MINAR1: variants seen among roughly 807,000 people sequenced by gnomAD.
MINAR1 encodes major intrinsically disordered Notch2-binding receptor 1.
Under a neutral mutation model 65.1 loss-of-function variants are expected in MINAR1, and 40 were observed. That is an observed-to-expected ratio of 0.61 (90% CI 0.48 to 0.80). MINAR1 has a LOEUF of 0.80. Ranked by LOEUF, MINAR1 falls within the 30% of genes least tolerant of loss-of-function variation. MINAR1 has a pLI of 0.00. For synonymous variants in MINAR1, 482 were observed against 449.1 expected (o/e 1.07, Z -0.93); for missense variants, 1,128 against 1,148.0 (o/e 0.98, Z 0.25).
chr15:79,452,628 CTGTG>C (rs367728486), intron 1 of MINAR1, among the ~76,000 whole-genome samples: 4 of 113,544 alleles, frequency 3.5e-5, no homozygotes, highest in South Asian at 3.2e-4. Flanking sequence ...CTGGATGAGT[CTGTG>C]TGTGTGTGGG....
intron 1 of MINAR1, among the ~76,000 whole-genome samples, chr15:79,437,441 G>A (rs550062086): frequency 1.3e-5 from 2 of 150,814 alleles, no homozygotes; most frequent in East Asian, 4.0e-4. Context: ...GTGAGTGAGT[G>A]TGGGTATAAG....
Position 79,457,914 on chromosome 15 carries a change from A to G in MINAR1, c.1767A>G (p.Glu589=), listed in dbSNP as rs3750002. Residue 589 remains glutamate, a synonymous_variant, in exon 2 of 4, where the codon GAA becomes GAG. Coordinates refer to ENST00000305428, the MANE Select transcript of MINAR1 (RefSeq NM_015206.3). ...GNRPENTHHS[E]EELKTSVCKL... is the part of the protein sequence containing the mutation. Reference sequence around the variant, plus strand: ...GGCCTGAAAACACCCACCACTCGGAAGAAGAGCTGAAGACCAGTGTGTGCA... The same window carrying G: ...GGCCTGAAAACACCCACCACTCGGAGGAAGAGCTGAAGACCAGTGTGTGCA... The G allele has an allele frequency of 0.057, 91,712 of 1,614,138 alleles. 4,163 individuals carry two copies. Among genetic ancestry groups the G allele is most frequent in the East Asian group, 0.3 (13,264 of 44,870 alleles).
chr15:79,466,800 G>A lies in MINAR1; in HGVS notation c.2554-1387G>A, dbSNP rs1042387406. 5.8e-4 allele frequency among the ~76,000 whole-genome samples: 88 copies of A among 152,220 alleles called. 1 individual carries two copies. Among genetic ancestry groups the A allele is most frequent in the Non-Finnish European group, 1.6e-4 (11 of 68,046 alleles). On this transcript the variant is annotated intron_variant, in intron 3 of 3. Transcript: ENST00000305428. ...TAGCTGGTGAAGCACCCAGAGACCA[G>A]CACCAGTAGGAAGCTGTTGCCACCC...
At position 79,468,487 on chromosome 15, in the gene MINAR1, A is replaced by G; in HGVS notation, c.*103A>G. ...CAACAATTTGTTGAAATGGAGATGA[A>G]ATCATGGAGGCATTTCTACAAATGT... On this transcript the variant is annotated 3_prime_UTR_variant, in exon 4 of 4. Transcript: ENST00000305428. The G allele has an allele frequency of 9.7e-7, 1 of 1,025,858 alleles. No individual in the cohort carries two copies. The highest frequency in any genetic ancestry group is 1.6e-5 in the South Asian group (1 of 62,446). 63.5% of individuals were successfully genotyped at this position (1,025,858 alleles called of 1,614,324 possible). A position where few individuals can be genotyped will look rare whatever the true frequency, so the allele number is the denominator to read the frequency against.
chr15:79,464,618 T>A (rs1167831427), intron 3 of MINAR1, among the ~76,000 whole-genome samples: 1 of 152,224 alleles, frequency 6.6e-6, no homozygotes, highest in South Asian at 2.1e-4. Flanking sequence ...GAGTTTTATG[T>A]TACAAAAGAA....
intron 1 of MINAR1, among the ~76,000 whole-genome samples, chr15:79,455,042 A>T (rs1371528027): frequency 6.6e-6 from 1 of 152,244 alleles, no homozygotes; most frequent in African/African-American, 2.4e-5. Flanking sequence ...AAGCTTGATG[A>T]TGAATATATG....
intron 1 of MINAR1, among the ~76,000 whole-genome samples, chr15:79,452,706 GA>G: frequency 1.1e-5 from 1 of 92,438 alleles, no homozygotes; most frequent in East Asian, 6.9e-4. Flanking sequence ...GTGTCTGGAT[GA>G]GTGTGTGGGT....
At chr15:79,431,773 T>A (rs755498883), upstream of MINAR1, among the ~76,000 whole-genome samples, 2 of 152,088 alleles carry the variant, frequency 1.3e-5, no homozygotes, top group African/African-American at 4.8e-5. Context: ...ACCCCGCGGG[T>A]GGCTCCGGGT....
upstream of MINAR1, among the ~76,000 whole-genome samples, chr15:79,429,110 A>T (rs185664747): frequency 4.6e-4 from 70 of 152,240 alleles, no homozygotes; most frequent in African/African-American, 1.6e-3. Context: ...AGAGAGGAGG[A>T]TGTTAGTCTC....
intron 1 of MINAR1, among the ~76,000 whole-genome samples, chr15:79,439,672 C>T (rs1213651774): frequency 2.0e-5 from 3 of 151,846 alleles, no homozygotes; most frequent in African/African-American, 4.8e-5. Context: ...TGCTGCTCCC[C>T]TTCCTCTAGC....
In MINAR1 at chr15:79,468,468, T is replaced by C; in HGVS notation, c.*84T>C. 1 of 1,227,518 alleles carries C rather than the reference T, an allele frequency of 8.1e-7. No individual in the cohort carries two copies. Among genetic ancestry groups the C allele is most frequent in the African/African-American group, 1.5e-5 (1 of 66,252 alleles). The allele number at this position is 1,227,518 out of a possible 1,614,324, so 76.0% of individuals were successfully genotyped here. On this transcript the variant is annotated 3_prime_UTR_variant, in exon 4 of 4. Transcript: ENST00000305428. The stretch of plus-strand genomic sequence containing the variant: ...GAATCTTGCAGCAGTGAGGCAACAA[T>C]TTGTTGAAATGGAGATGAAATCATG...
At chr15:79,440,234 GCT>G (rs1894833160) in intron 1 of MINAR1, among the ~76,000 whole-genome samples, 1 of 152,104 alleles carries the variant, frequency 6.6e-6, no homozygotes, top group Non-Finnish European at 1.5e-5. Flanking sequence ...ATTTTACAAG[GCT>G]GTTGTGAGTT....
Position 79,456,067 on chromosome 15 carries a change from CCTCCTCTCTTT to C in MINAR1, c.-50-27_-50-17del. 1 of 1,401,296 alleles carries C rather than the reference CCTCCTCTCTTT, an allele frequency of 7.1e-7. No homozygotes were observed. The highest frequency in any genetic ancestry group is 1.4e-5 in the South Asian group (1 of 72,688). The allele number at this position is 1,401,296 out of a possible 1,614,324, so 86.8% of individuals were successfully genotyped here. Reference sequence around the variant, plus strand: ...CCACTGGTGTTTATAATCCTCTTTTCCTCCTCTCTTTCTCAATATTGCCACCACAGAACTGA... The same window carrying C: ...CCACTGGTGTTTATAATCCTCTTTTCCTCAATATTGCCACCACAGAACTGA... On this transcript the variant is annotated intron_variant, in intron 1 of 3. Transcript: ENST00000305428.
the MINAR1 span, chr15:79,417,433 G>A: frequency 5.3e-5 from 8 of 152,208 alleles, no homozygotes; most frequent in Non-Finnish European, 1.2e-4. Flanking sequence ...TGTGGATCCC[G>A]AAGACGGGCT....
intron 1 of MINAR1, among the ~76,000 whole-genome samples, chr15:79,442,037 C>T (rs1315456411): frequency 6.9e-6 from 1 of 145,938 alleles, no homozygotes; most frequent in Non-Finnish European, 1.5e-5. Context: ...TCTGTTTTTT[C>T]AAGGTTTTTT....
chr15:79,456,646 CCA>C lies in MINAR1; in HGVS notation c.502_503del (p.Gln168ValfsTer6). The C allele has an allele frequency of 1.2e-6, 2 of 1,614,142 alleles. No homozygotes were observed. Among genetic ancestry groups the C allele is most frequent in the Non-Finnish European group, 1.7e-6 (2 of 1,180,024 alleles). ...KCRKMDCKDC[P>X]QFVPASEPNF... ...CCGGAAGATGGACTGCAAGGACTGC[CCA>C]CAGTTTGTCCCTGCCTCTGAGCCTA... is the stretch of plus-strand genomic sequence containing the variant. On this transcript the variant is annotated frameshift_variant, in exon 2 of 4. Transcript: ENST00000305428. LOFTEE classifies it high-confidence loss of function.
intron 3 of MINAR1, chr15:79,463,861 T>C: frequency 4.7e-6 from 2 of 421,432 alleles, no homozygotes; most frequent in Non-Finnish European, 9.6e-6. Context: ...CACTTTTATT[T>C]TGGTGGGCAG....
At chr15:79,451,535 C>T (rs1483186104) in intron 1 of MINAR1, among the ~76,000 whole-genome samples, 1 of 152,250 alleles carries the variant, frequency 6.6e-6, no homozygotes, top group East Asian at 1.9e-4. Context: ...GCCTGGGCTA[C>T]GGTGTTGGCT....
chr15:79,446,797 T>C (rs1401281988), intron 1 of MINAR1, among the ~76,000 whole-genome samples: 2 of 152,226 alleles, frequency 1.3e-5, no homozygotes, highest in Admixed American at 6.5e-5. Flanking sequence ...CTTTTCTCTC[T>C]CCTAGAATTC....
Sources: gnomAD v4.1 joint callset for allele counts (sites outside exome capture counted in the v4.1 genomes callset) on GRCh38, gnomAD v4.1.1 for gene constraint, MANE v1.5 for transcripts, NCBI Gene and HGNC (gene_info 2026-07-23, HGNC 2026-07-21) for gene names.